MEGF9: variants seen among roughly 807,000 people sequenced by gnomAD.
MEGF9 encodes the protein multiple epidermal growth factor-like domains protein 9.
A neutral mutation model predicts 46.8 loss-of-function variants in MEGF9; 6 were observed. That is an observed-to-expected ratio of 0.13 (90% CI 0.07 to 0.25). MEGF9 has a LOEUF of 0.25. Among genes scored for constraint, MEGF9 ranks in the 10% least tolerant of loss-of-function variants. The probability of loss-of-function intolerance (pLI) is 1.00; values close to 1 mark genes in which losing one functional copy is unlikely to be tolerated. For missense variants in MEGF9, 683 were observed against 792.4 expected (o/e 0.86, Z 1.66); for synonymous variants, 302 against 330.7 (o/e 0.91, Z 0.94).
At chr9:120,639,934 C>G (rs77629822) in intron 2 of MEGF9, among the ~76,000 whole-genome samples, 2,956 of 152,186 alleles carry the variant, frequency 0.019, 110 homozygotes, top group African/African-American at 0.069. Context: ...ATAAATCCAC[C>G]CTTTATGCCC....
At chr9:120,703,940 T>C (rs111583397) in intron 1 of MEGF9, among the ~76,000 whole-genome samples, 6,443 of 147,672 alleles carry the variant, frequency 0.044, 457 homozygotes, top group African/African-American at 0.15. Context: ...ACCACTGCAC[T>C]CCAGCCTGGG....
intron 2 of MEGF9, among the ~76,000 whole-genome samples, chr9:120,649,011 T>A (rs1459909119): frequency 6.6e-6 from 1 of 152,240 alleles, no homozygotes; most frequent in African/African-American, 2.4e-5. Context: ...AGTCTTCAGA[T>A]GCTCAAGTCC....
chr9:120,619,466 C>T (rs1202856894), intron 3 of MEGF9, among the ~76,000 whole-genome samples: 2 of 152,214 alleles, frequency 1.3e-5, no homozygotes, highest in Non-Finnish European at 2.9e-5. Flanking sequence ...TGCATTTAAT[C>T]TTCACGACAA....
At chr9:120,606,084 C>G (rs935782580) in intron 5 of MEGF9, among the ~76,000 whole-genome samples, 1 of 150,266 alleles carries the variant, frequency 6.7e-6, no homozygotes, top group Non-Finnish European at 1.5e-5. Flanking sequence ...AGGCAGAGAA[C>G]TGTTTGAAGC....
chr9:120,713,833 C>CG lies in MEGF9; in HGVS notation c.525dup (p.Asp176ArgfsTer30). On this transcript the variant is annotated frameshift_variant, in exon 1 of 6. Transcript: ENST00000373930. LOFTEE classifies it high-confidence loss of function. The stretch of plus-strand genomic sequence containing the variant: ...CTGCTGTTGCTGCTGCTGGGGAGAT[C>CG]GGGGGTCGGGGTCCGGGGAGTCGTG... 3 of 1,278,312 alleles carry CG rather than the reference C, an allele frequency of 2.3e-6. No homozygotes were observed. The highest frequency in any genetic ancestry group is 3.0e-6 in the Non-Finnish European group (3 of 1,010,926). The allele number at this position is 1,278,312 out of a possible 1,614,324, so 79.2% of individuals were successfully genotyped here.
chr9:120,690,683 T>C (rs1246790059), intron 1 of MEGF9, among the ~76,000 whole-genome samples: 6 of 152,240 alleles, frequency 3.9e-5, no homozygotes, highest in Admixed American at 2.6e-4. Flanking sequence ...AATGAAAAGT[T>C]CCACTATCAA....
intron 1 of MEGF9, among the ~76,000 whole-genome samples, chr9:120,661,382 T>C (rs2043700867): frequency 6.6e-6 from 1 of 152,172 alleles, no homozygotes; most frequent in Non-Finnish European, 1.5e-5. Context: ...GCGGGCATCC[T>C]GGCATGGGCC....
chr9:120,655,947 T>C (rs1349127573), intron 2 of MEGF9, among the ~76,000 whole-genome samples: 1 of 152,228 alleles, frequency 6.6e-6, no homozygotes, highest in African/African-American at 2.4e-5. Flanking sequence ...TAAAATGCAG[T>C]ATTTGGCTGT....
At position 120,603,238 on chromosome 9, in the gene MEGF9, GACA is replaced by G. The variant is rs941976571; in HGVS notation, c.*1949_*1951del. 1 of 152,258 alleles carries G rather than the reference GACA, an allele frequency of 6.6e-6. No homozygotes were observed. Among genetic ancestry groups the G allele is most frequent in the African/African-American group, 2.4e-5 (1 of 41,550 alleles). The allele number at this position is 152,258 out of a possible 1,614,324, so 9.4% of individuals were successfully genotyped here. A position where few individuals can be genotyped will look rare whatever the true frequency, so the allele number is the denominator to read the frequency against. ...TCAGCCTTTTCATCTATAAAATGGG[GACA>G]ACAATTACTTCCTCAGGGGGCTATG... On this transcript the variant is annotated 3_prime_UTR_variant, in exon 6 of 6. Coordinates refer to ENST00000373930, the MANE Select transcript of MEGF9 (RefSeq NM_001080497.3).
chr9:120,666,772 TAC>T (rs1267443720), intron 1 of MEGF9, among the ~76,000 whole-genome samples: 1 of 152,210 alleles, frequency 6.6e-6, no homozygotes, highest in African/African-American at 2.4e-5. Context: ...AGTGAATGGA[TAC>T]ACTATGGTAC....
In MEGF9 at chr9:120,605,158, G is replaced by A; in HGVS notation, c.*32C>T. The A allele has an allele frequency of 6.4e-7, 1 of 1,574,268 alleles. No individual in the cohort carries two copies. Among genetic ancestry groups the A allele is most frequent in the Non-Finnish European group, 8.6e-7 (1 of 1,159,192 alleles). On this transcript the variant is annotated 3_prime_UTR_variant, in exon 6 of 6. Transcript: ENST00000373930. The surrounding 1 kb of genome is among the most constrained non-coding windows in gnomAD (Gnocchi z 4.0). ...GGCTGACTCTGTCTTAGCAAGCACT[G>A]TGGTTTAACAATTCAGAACAGTTCT...
chr9:120,650,686 G>A (rs970840028), intron 2 of MEGF9, among the ~76,000 whole-genome samples: 4 of 152,200 alleles, frequency 2.6e-5, no homozygotes, highest in African/African-American at 9.7e-5. Context: ...AGGGAATCAG[G>A]ATAGAATTGA....
chr9:120,624,872 CAAAAA>C (rs35120272), intron 2 of MEGF9, among the ~76,000 whole-genome samples: 1 of 104,090 alleles, frequency 9.6e-6, no homozygotes. Context: ...GACTCCGTCT[CAAAAA>C]AAAAAAAAAA....
intron 2 of MEGF9, among the ~76,000 whole-genome samples, chr9:120,645,730 A>G (rs1227703321): frequency 1.3e-5 from 2 of 152,216 alleles, no homozygotes; most frequent in African/African-American, 2.4e-5. Flanking sequence ...CAACTTTCCA[A>G]TATCTATTGT....
intron 1 of MEGF9, among the ~76,000 whole-genome samples, chr9:120,701,975 G>A (rs373487521): frequency 3.3e-5 from 5 of 151,994 alleles, no homozygotes; most frequent in African/African-American, 1.2e-4. Context: ...CCCGGGAGGC[G>A]GAGCTTGCAG....
chr9:120,650,609 G>C (rs1292049373), intron 2 of MEGF9, among the ~76,000 whole-genome samples: 2 of 152,144 alleles, frequency 1.3e-5, no homozygotes, highest in Non-Finnish European at 2.9e-5. Flanking sequence ...GAAATATATG[G>C]GCATAAAGAA....
intron 1 of MEGF9, among the ~76,000 whole-genome samples, chr9:120,676,157 A>G (rs946213462): frequency 6.6e-6 from 1 of 151,760 alleles, no homozygotes; most frequent in Non-Finnish European, 1.5e-5. Context: ...TCAGCCAGGC[A>G]CAGTGGCTCT....
chr9:120,691,603 T>C (rs1057219875), intron 1 of MEGF9: 1 of 272,070 alleles, frequency 3.7e-6, no homozygotes, highest in Non-Finnish European at 7.8e-6. Flanking sequence ...AGTAGATGAA[T>C]TGCTATTCCA....
Position 120,688,816 on chromosome 9 carries a change from G to C in MEGF9, c.601+24942C>G, listed in dbSNP as rs183273268. Among the ~76,000 whole-genome samples, 5 of 152,300 alleles carry C rather than the reference G, an allele frequency of 3.3e-5. No homozygotes were observed. The East Asian group carries it at 9.6e-4, about 29-fold the overall frequency. On this transcript the variant is annotated intron_variant, in intron 1 of 5. Transcript: ENST00000373930. ...CTGGGCAAGGTAGAGAGGTTTAAAA[G>C]GTTCAAAGCAATGTTCTGTTGATAA...
Sources: gnomAD v4.1 joint callset for allele counts (sites outside exome capture counted in the v4.1 genomes callset) on GRCh38, gnomAD v4.1.1 for gene constraint, Gnocchi (gnomAD v3.1) non-coding constraint, MANE v1.5 for transcripts, NCBI Gene and HGNC (gene_info 2026-07-23, HGNC 2026-07-21) for gene names.